CCSER1: variants seen among roughly 807,000 people sequenced by gnomAD.
CCSER1 encodes the protein coiled-coil serine rich protein 1, also known as serine-rich coiled-coil domain-containing protein 1.
Under a neutral mutation model 82.0 loss-of-function variants are expected in CCSER1, and 41 were observed. The ratio of observed to expected loss-of-function variants is 0.50; its 90% CI spans 0.39 to 0.65. CCSER1 has a LOEUF of 0.65. CCSER1 is among the 30% of genes least tolerant of loss of function. CCSER1 has a pLI of 0.00. For missense variants in CCSER1, 1,119 were observed against 1,064.2 expected (o/e 1.05, Z -0.72); for synonymous variants, 414 against 383.9 (o/e 1.08, Z -0.92).
chr4:91,065,059 A>G (rs1720661620), intron 9 of CCSER1, among the ~76,000 whole-genome samples: 1 of 152,146 alleles, frequency 6.6e-6, no homozygotes, highest in Non-Finnish European at 1.5e-5. Flanking sequence ...TGACAGTTCC[A>G]TCAGTATACT....
chr4:90,763,284 T>C (rs1175921578), intron 7 of CCSER1, among the ~76,000 whole-genome samples: 2 of 151,156 alleles, frequency 1.3e-5, no homozygotes, highest in African/African-American at 4.9e-5. Context: ...TGGAGAGAGG[T>C]CAAGCAGTAG....
intron 3 of CCSER1, 52 bp from the exon 4 acceptor site, chr4:90,399,984 C>A: frequency 1.0e-6 from 1 of 992,638 alleles, no homozygotes; most frequent in Non-Finnish European, 1.6e-6. Context: ...TGAGTATTTC[C>A]TCATTTACTC....
intron 10 of CCSER1, among the ~76,000 whole-genome samples, chr4:91,201,213 A>G (rs1264278326): frequency 1.3e-5 from 2 of 152,036 alleles, no homozygotes; most frequent in Non-Finnish European, 2.9e-5. Context: ...TTTCTAGGGA[A>G]ATGCTAAGCA....
chr4:91,394,149 C>A (rs1053819081), intron 10 of CCSER1, among the ~76,000 whole-genome samples: 2 of 151,916 alleles, frequency 1.3e-5, no homozygotes, highest in African/African-American at 4.8e-5. Context: ...TTCAGGAACA[C>A]AATGTAATAC....
At chr4:90,957,504 T>A (rs1733592369) in intron 9 of CCSER1, among the ~76,000 whole-genome samples, 1 of 120,664 alleles carries the variant, frequency 8.3e-6, no homozygotes, top group Non-Finnish European at 1.7e-5. Flanking sequence ...TATATAATAT[T>A]ATATAATATA....
chr4:90,857,301 G>A (rs1279001231), intron 8 of CCSER1, among the ~76,000 whole-genome samples: 3 of 152,010 alleles, frequency 2.0e-5, no homozygotes, highest in Non-Finnish European at 4.4e-5. Flanking sequence ...GCAGGATTTA[G>A]TTTCTTGCTG....
intron 8 of CCSER1, among the ~76,000 whole-genome samples, chr4:90,886,972 T>C (rs2150096233): frequency 6.6e-6 from 1 of 152,242 alleles, no homozygotes; most frequent in South Asian, 2.1e-4. Context: ...AGAAGACCAA[T>C]AGACCTACCA....
intron 5 of CCSER1, among the ~76,000 whole-genome samples, chr4:90,582,912 T>C (rs1781561414): frequency 6.6e-6 from 1 of 152,206 alleles, no homozygotes; most frequent in Non-Finnish European, 1.5e-5. Context: ...ATACACTACT[T>C]TTAATTTGCA....
At chr4:91,206,225 G>T (rs906094850) in intron 10 of CCSER1, among the ~76,000 whole-genome samples, 1 of 151,856 alleles carries the variant, frequency 6.6e-6, no homozygotes, top group African/African-American at 2.4e-5. Flanking sequence ...GTATATTTTT[G>T]TGTTTGCTCC....
intron 6 of CCSER1, among the ~76,000 whole-genome samples, chr4:90,688,011 C>T (rs1735135034): frequency 6.6e-6 from 1 of 151,986 alleles, no homozygotes; most frequent in Non-Finnish European, 1.5e-5. Context: ...CAGAAAAGCT[C>T]GATATTCATA....
chr4:90,568,008 T>G (rs1779610784), intron 5 of CCSER1, among the ~76,000 whole-genome samples: 1 of 152,224 alleles, frequency 6.6e-6, no homozygotes. Context: ...TTTTTTGAAG[T>G]TTCTTCCGTT....
At position 90,545,185 on chromosome 4, in the gene CCSER1, A is replaced by G. The variant is rs564486587; in HGVS notation, c.1724+76831A>G. ...AGAAAGTGATCACACTACTTTTAGT[A>G]GCTTTTATGTTGGTAACAGAGGAAG... On this transcript the variant is annotated intron_variant, in intron 5 of 10. Transcript: ENST00000509176. 8.0e-4 allele frequency among the ~76,000 whole-genome samples: 122 copies of G among 152,224 alleles called. 1 individual carries two copies. Among genetic ancestry groups the G allele is most frequent in the African/African-American group, 2.7e-3 (114 of 41,556 alleles).
At chr4:91,262,840 C>G (rs1293167120) in intron 10 of CCSER1, among the ~76,000 whole-genome samples, 1 of 147,018 alleles carries the variant, frequency 6.8e-6, no homozygotes, top group Admixed American at 6.7e-5. Flanking sequence ...AAACATGAGG[C>G]TCTTATCATA....
At chr4:91,107,213 C>A (rs183642065) in intron 10 of CCSER1, among the ~76,000 whole-genome samples, 1 of 152,016 alleles carries the variant, frequency 6.6e-6, no homozygotes, top group African/African-American at 2.4e-5. Context: ...TTGTGTAAGT[C>A]GAATCTTTGA....
chr4:90,912,011 C>A (rs948213815), intron 8 of CCSER1, among the ~76,000 whole-genome samples: 2 of 152,254 alleles, frequency 1.3e-5, no homozygotes, highest in African/African-American at 4.8e-5. Context: ...CCCACCGCAG[C>A]TCAAGGAGGC....
intron 4 of CCSER1, among the ~76,000 whole-genome samples, chr4:90,465,418 T>C (rs1272090603): frequency 6.6e-6 from 1 of 151,618 alleles, no homozygotes; most frequent in East Asian, 1.9e-4. Flanking sequence ...CCTCCCCGGT[T>C]CAAGCAATTC....
At chr4:91,255,182 A>G (rs1740588904) in intron 10 of CCSER1, among the ~76,000 whole-genome samples, 3 of 152,198 alleles carry the variant, frequency 2.0e-5, no homozygotes, top group African/African-American at 4.8e-5. Context: ...GGTCAAGGGC[A>G]TAGTTTCTGG....
intron 5 of CCSER1, among the ~76,000 whole-genome samples, chr4:90,477,040 TA>T (rs1765210330): frequency 6.6e-6 from 1 of 152,152 alleles, no homozygotes. Flanking sequence ...AAGTAGCTCT[TA>T]TGTGTGCAGA....
intron 5 of CCSER1, among the ~76,000 whole-genome samples, chr4:90,471,812 T>G (rs1449641593): frequency 6.6e-6 from 1 of 151,844 alleles, no homozygotes; most frequent in Non-Finnish European, 1.5e-5. Flanking sequence ...CTGTCTCTAC[T>G]AAAAATACAA....
Sources: gnomAD v4.1 joint callset for allele counts (sites outside exome capture counted in the v4.1 genomes callset) on GRCh38, gnomAD v4.1.1 for gene constraint, MANE v1.5 for transcripts, NCBI Gene and HGNC (gene_info 2026-07-23, HGNC 2026-07-21) for gene names.